The following SLC26A7 variants were observed in gnomAD, a reference collection of about 807,000 sequenced individuals.
SLC26A7 encodes anion exchange transporter.
SLC26A7 carries 59 observed loss-of-function variants against 82.5 expected under a neutral mutation model. That is an observed-to-expected ratio of 0.72 (90% CI 0.58 to 0.89). SLC26A7 has a LOEUF of 0.89. Among genes scored for constraint, SLC26A7 ranks in the 40% least tolerant of loss-of-function variants. SLC26A7 has a pLI of 0.00. For synonymous variants in SLC26A7, 271 were observed against 274.3 expected, an observed-to-expected ratio of 0.99 and a Z score of 0.12; for missense variants, 820 against 793.0, an observed-to-expected ratio of 1.03 and a Z score of -0.41.
At chr8:91,319,763 T>A (rs902029630) in intron 5 of SLC26A7, among the ~76,000 whole-genome samples, 2 of 152,198 alleles carry the variant, frequency 1.3e-5, no homozygotes, top group Non-Finnish European at 2.9e-5. Context: ...CTGGCCTGCT[T>A]GTCGGCACAT....
At chr8:91,372,888 T>A (rs1281089240) in intron 15 of SLC26A7, among the ~76,000 whole-genome samples, 2 of 152,050 alleles carry the variant, frequency 1.3e-5, no homozygotes, top group Admixed American at 6.6e-5. Context: ...GTTTGTGTCA[T>A]CTGCAATTTC....
intron 2 of SLC26A7, among the ~76,000 whole-genome samples, chr8:91,256,831 G>A (rs1810817300): frequency 6.6e-6 from 1 of 152,034 alleles, no homozygotes; most frequent in African/African-American, 2.4e-5. Context: ...TTATTCTACT[G>A]AAGAGCATCT....
At chr8:91,390,171 C>T (rs561463648) in intron 16 of SLC26A7, among the ~76,000 whole-genome samples, 3 of 149,076 alleles carry the variant, frequency 2.0e-5, no homozygotes, top group Non-Finnish European at 3.0e-5. Flanking sequence ...AGTGCAGTGG[C>T]GCGATCTCGG....
intron 9 of SLC26A7, chr8:91,348,233 T>C (rs1813619556): frequency 1.6e-6 from 1 of 642,396 alleles, no homozygotes; most frequent in South Asian, 6.9e-5. Flanking sequence ...TTATCTAATG[T>C]CATCTCTCTC....
chr8:91,279,992 A>G (rs879757531), intron 2 of SLC26A7, among the ~76,000 whole-genome samples: 20 of 152,190 alleles, frequency 1.3e-4, no homozygotes, highest in African/African-American at 4.1e-4. Context: ...AGTTCCTTAC[A>G]TATTTTGGAT....
chr8:91,310,990 CCTT>C (rs1279239998), intron 4 of SLC26A7, among the ~76,000 whole-genome samples: 1 of 152,094 alleles, frequency 6.6e-6, no homozygotes, highest in Non-Finnish European at 1.5e-5. Context: ...CTCAGTCTCT[CCTT>C]CTGCCTTATG....
intron 4 of SLC26A7, among the ~76,000 whole-genome samples, chr8:91,303,669 A>G (rs1352455700): frequency 6.6e-6 from 1 of 152,208 alleles, no homozygotes; most frequent in Non-Finnish European, 1.5e-5. Context: ...GTCTTCAAGG[A>G]TGATAAAAAG....
chr8:91,233,010 A>G (rs959866691), intron 2 of SLC26A7, among the ~76,000 whole-genome samples: 1 of 152,166 alleles, frequency 6.6e-6, no homozygotes, highest in African/African-American at 2.4e-5. Context: ...TTATATTGGG[A>G]ATACTTCCAA....
intron 4 of SLC26A7, among the ~76,000 whole-genome samples, chr8:91,316,789 A>C (rs962955610): frequency 6.6e-6 from 1 of 151,678 alleles, no homozygotes; most frequent in Non-Finnish European, 1.5e-5. Flanking sequence ...ACACAGATGC[A>C]TTATGCCAAA....
At chr8:91,223,293 A>G (rs962363939) in intron 2 of SLC26A7, among the ~76,000 whole-genome samples, 1 of 151,576 alleles carries the variant, frequency 6.6e-6, no homozygotes, top group Non-Finnish European at 1.5e-5. Context: ...TCCTGGATTC[A>G]TTTATTTTTT....
intron 1 of SLC26A7, among the ~76,000 whole-genome samples, chr8:91,217,019 A>G (rs369661001): frequency 2.0e-5 from 3 of 152,138 alleles, no homozygotes; most frequent in Admixed American, 2.0e-4. Context: ...TATATTGTGA[A>G]ATCTTGCTTA....
At chr8:91,359,938 A>T (rs1441600954) in intron 11 of SLC26A7, among the ~76,000 whole-genome samples, 1 of 152,058 alleles carries the variant, frequency 6.6e-6, no homozygotes, top group Non-Finnish European at 1.5e-5. Context: ...AAAGTTTAAA[A>T]TATCATGTAC....
chr8:91,295,622 A>C lies in SLC26A7; in HGVS notation c.396A>C (p.Thr132=), dbSNP rs749304111. ...NMQNLTTQSN[T]SVLGLSDFEM... Reference sequence around the variant, plus strand: ...AGAATCTCACCACACAGAGTAACACAAGCGTGCTGGGCTTATCCGACTTTG... The same window carrying C: ...AGAATCTCACCACACAGAGTAACACCAGCGTGCTGGGCTTATCCGACTTTG... The change falls in exon 4 of 19, where the codon ACA becomes ACC. Residue 132 remains threonine (T), a synonymous_variant. Transcript: ENST00000276609. 3.1e-5 allele frequency: 50 copies of C among 1,614,014 alleles called. No homozygotes were observed. The Admixed American group carries it at 8.0e-4, about 26-fold the overall frequency.
At chr8:91,387,402 C>T (rs1215735657) in intron 15 of SLC26A7, among the ~76,000 whole-genome samples, 1 of 152,162 alleles carries the variant, frequency 6.6e-6, no homozygotes, top group Non-Finnish European at 1.5e-5. Context: ...TTTACCATTT[C>T]AGGCCGAAGG....
rs201824363 is a variant in SLC26A7, at chr8:91,221,887, GT to G, written c.-34+2891del. ...GTGATTCCATATGAAATTTAAAATA[GT>G]TTTTTTTTATTTCTGTGAAGAATGT... is the stretch of plus-strand genomic sequence containing the variant. On this transcript the variant is annotated intron_variant, in intron 2 of 5. Transcript: ENST00000522862. Among the ~76,000 whole-genome samples the G allele has an allele frequency of 2.1e-3, 325 of 151,672 alleles. 5 individuals are homozygous for G. Among genetic ancestry groups the G allele is most frequent in the Admixed American group, 0.014 (211 of 15,202 alleles).
At chr8:91,318,120 A>G (rs562712232) in intron 4 of SLC26A7, 96 bp from the exon 5 acceptor site, 97 of 1,059,374 alleles carry the variant, frequency 9.2e-5, no homozygotes, top group Non-Finnish European at 1.3e-4. Context: ...CTATGATTCT[A>G]TCAAATGAAA....
intron 4 of SLC26A7, among the ~76,000 whole-genome samples, chr8:91,304,379 G>A (rs771033077): frequency 2.6e-5 from 4 of 152,172 alleles, no homozygotes; most frequent in Admixed American, 6.5e-5. Flanking sequence ...GTTTAAAAGT[G>A]TGTGGCACTT....
intron 2 of SLC26A7, among the ~76,000 whole-genome samples, chr8:91,266,524 T>G (rs916710791): frequency 6.6e-6 from 1 of 151,968 alleles, no homozygotes. Flanking sequence ...CTTGAATTCT[T>G]TTTTGTGTAA....
intron 15 of SLC26A7, among the ~76,000 whole-genome samples, chr8:91,374,526 T>A (rs546205817): frequency 7.6e-4 from 116 of 152,200 alleles, no homozygotes; most frequent in African/African-American, 2.5e-3. Flanking sequence ...TTCCATGTAC[T>A]TGTGTGATTT....
Sources: gnomAD v4.1 joint callset for allele counts (sites outside exome capture counted in the v4.1 genomes callset) on GRCh38, gnomAD v4.1.1 for gene constraint, MANE v1.5 for transcripts, NCBI Gene and HGNC (gene_info 2026-07-23, HGNC 2026-07-21) for gene names.